The following RPH3A variants were observed in gnomAD, a reference collection of about 807,000 sequenced individuals.
RPH3A encodes rabphilin 3A, also known as rabphilin-3A.
Under a neutral mutation model 102.2 loss-of-function variants are expected in RPH3A, and 48 were observed. The ratio of observed to expected loss-of-function variants is 0.47; its 90% CI spans 0.37 to 0.60. RPH3A has a LOEUF of 0.60. Ranked by LOEUF, RPH3A falls within the 20% of genes least tolerant of loss-of-function variation. The pLI, the probability that RPH3A is intolerant of heterozygous loss-of-function variation, is 0.00. For synonymous variants in RPH3A, 310 were observed against 324.3 expected, an observed-to-expected ratio of 0.96 and a Z score of 0.47; for missense variants, 781 against 910.1, an observed-to-expected ratio of 0.86 and a Z score of 1.83.
chr12:112,641,197 A>C (rs1053772301), intron 1 of RPH3A, among the ~76,000 whole-genome samples: 11 of 152,200 alleles, frequency 7.2e-5, no homozygotes. Flanking sequence ...TGCTGCTTGC[A>C]GTCAGCCTGC....
At chr12:112,816,658 G>A (rs773023311) in intron 2 of RPH3A, among the ~76,000 whole-genome samples, 2 of 152,120 alleles carry the variant, frequency 1.3e-5, no homozygotes, top group Admixed American at 6.5e-5. Flanking sequence ...TAAAGACAAC[G>A]ACGGTACTCA....
intron 2 of RPH3A, among the ~76,000 whole-genome samples, chr12:112,801,105 C>CTT (rs1308238314): frequency 6.6e-6 from 1 of 152,168 alleles, no homozygotes; most frequent in African/African-American, 2.4e-5. Flanking sequence ...CTGGCCAAGC[C>CTT]TTTCTCCAGG....
intron 1 of RPH3A, among the ~76,000 whole-genome samples, chr12:112,677,283 T>C (rs1162865929): frequency 6.6e-6 from 1 of 151,962 alleles, no homozygotes; most frequent in East Asian, 1.9e-4. Context: ...TGGGACCCAG[T>C]GTCAAGAGCT....
chr12:112,618,485 C>CAGG (rs2135978724), intron 1 of RPH3A, among the ~76,000 whole-genome samples: 1 of 152,278 alleles, frequency 6.6e-6, no homozygotes, highest in Admixed American at 6.5e-5. Context: ...TTGGGCAGGT[C>CAGG]TGAGGCTCCC....
intron 13 of RPH3A, among the ~76,000 whole-genome samples, chr12:112,878,349 C>T (rs1282797835): frequency 6.6e-6 from 1 of 152,176 alleles, no homozygotes; most frequent in East Asian, 1.9e-4. Flanking sequence ...ATTAACTTAT[C>T]CCGGCTGTTT....
intron 1 of RPH3A, among the ~76,000 whole-genome samples, chr12:112,580,288 T>C (rs1479802040): frequency 6.6e-6 from 1 of 151,768 alleles, no homozygotes; most frequent in Admixed American, 6.6e-5. Flanking sequence ...CCCCACCCCC[T>C]GTCTTTCCAT....
chr12:112,714,541 T>C (rs1375209459), intron 1 of RPH3A, among the ~76,000 whole-genome samples: 1 of 152,186 alleles, frequency 6.6e-6, no homozygotes, highest in Non-Finnish European at 1.5e-5. Context: ...AGCTATATTA[T>C]TTGCATATTG....
At chr12:112,580,811 T>G (rs1177363667) in intron 1 of RPH3A, among the ~76,000 whole-genome samples, 3 of 152,200 alleles carry the variant, frequency 2.0e-5, no homozygotes, top group Non-Finnish European at 2.9e-5. Context: ...TATGAACCAA[T>G]TTGTGCAGAT....
At chr12:112,669,209 G>T (rs1300874012) in intron 1 of RPH3A, among the ~76,000 whole-genome samples, 2 of 152,164 alleles carry the variant, frequency 1.3e-5, no homozygotes, top group Non-Finnish European at 2.9e-5. Flanking sequence ...TTGCACAAAG[G>T]GCCGTATGAA....
chr12:112,855,106 T>C (rs755777121), intron 5 of RPH3A, among the ~76,000 whole-genome samples: 1 of 152,168 alleles, frequency 6.6e-6, no homozygotes, highest in Non-Finnish European at 1.5e-5. Context: ...CCATAAGCAC[T>C]GACATGAAAC....
At chr12:112,627,063 G>C (rs925807679) in intron 1 of RPH3A, among the ~76,000 whole-genome samples, 16 of 113,244 alleles carry the variant, frequency 1.4e-4, no homozygotes, top group South Asian at 7.1e-4. Context: ...CTGTGGTGGG[G>C]TGGGGGGAGG....
chr12:112,775,585 G>T (rs2040960497), intron 1 of RPH3A, among the ~76,000 whole-genome samples: 1 of 152,180 alleles, frequency 6.6e-6, no homozygotes, highest in Non-Finnish European at 1.5e-5. Context: ...AGTTCTGAAA[G>T]AATAGGAAAA....
chr12:112,826,540 T>C (rs2041876768), intron 2 of RPH3A, among the ~76,000 whole-genome samples: 1 of 152,162 alleles, frequency 6.6e-6, no homozygotes, highest in African/African-American at 2.4e-5. Context: ...CAGATCAAGA[T>C]ATGGAATATC....
At chr12:112,759,698 G>A (rs995602740) in intron 1 of RPH3A, among the ~76,000 whole-genome samples, 2 of 152,132 alleles carry the variant, frequency 1.3e-5, no homozygotes, top group Non-Finnish European at 2.9e-5. Flanking sequence ...GAGGAACCTT[G>A]GGCCCTCAGT....
chr12:112,748,795 G>A (rs1361727411), intron 1 of RPH3A, among the ~76,000 whole-genome samples: 2 of 152,168 alleles, frequency 1.3e-5, no homozygotes, highest in Admixed American at 1.3e-4. Flanking sequence ...GACCAGATGT[G>A]CCACCAGATG....
At chr12:112,829,238 AGTT>A (rs1212212210) in intron 3 of RPH3A, among the ~76,000 whole-genome samples, 6 of 152,034 alleles carry the variant, frequency 3.9e-5, no homozygotes, top group Non-Finnish European at 8.8e-5. Context: ...GTCAGGATGT[AGTT>A]GTTGTGGCTT....
At chr12:112,614,845 T>G (rs922535487) in intron 1 of RPH3A, among the ~76,000 whole-genome samples, 1 of 152,058 alleles carries the variant, frequency 6.6e-6, no homozygotes, top group Non-Finnish European at 1.5e-5. Context: ...AGTGTGGTGG[T>G]GCGATCATGG....
chr12:112,799,966 T>TC (rs1003413778), intron 2 of RPH3A, among the ~76,000 whole-genome samples: 9 of 152,060 alleles, frequency 5.9e-5, no homozygotes, highest in Non-Finnish European at 1.3e-4. Context: ...CTAGACTCAT[T>TC]CCCCCATTCC....
chr12:112,786,031 A>G (rs2041047933), intron 1 of RPH3A, among the ~76,000 whole-genome samples: 1 of 152,160 alleles, frequency 6.6e-6, no homozygotes, highest in Non-Finnish European at 1.5e-5. Flanking sequence ...CGGGGAAGGT[A>G]TGGTGGTCCC....
Sources: gnomAD v4.1 joint callset for allele counts (sites outside exome capture counted in the v4.1 genomes callset) on GRCh38, gnomAD v4.1.1 for gene constraint, MANE v1.5 for transcripts, NCBI Gene and HGNC (gene_info 2026-07-23, HGNC 2026-07-21) for gene names.